The following GRM3 variants were observed in gnomAD, a reference collection of about 807,000 sequenced individuals.
GRM3 encodes the protein glutamate metabotropic receptor 3.
GRM3 carries 26 observed loss-of-function variants against 70.5 expected under a neutral mutation model. The observed-to-expected ratio is 0.37, with a 90% CI of 0.27 to 0.51. GRM3 has a LOEUF of 0.51. GRM3 is among the 20% of genes least tolerant of loss of function. GRM3 has a pLI of 0.93. For missense variants in GRM3, 859 were observed against 1,123.8 expected (o/e 0.76, Z 3.37); for synonymous variants, 443 against 434.9 (o/e 1.02, Z -0.23).
At chr7:86,755,223 A>G (rs1796316795) in intron 1 of GRM3, among the ~76,000 whole-genome samples, 1 of 152,180 alleles carries the variant, frequency 6.6e-6, no homozygotes. Flanking sequence ...AATGGATGCT[A>G]ATCTGTCAGA....
intron 5 of GRM3, among the ~76,000 whole-genome samples, chr7:86,862,488 A>G (rs1798979058): frequency 6.6e-6 from 1 of 152,174 alleles, no homozygotes; most frequent in African/African-American, 2.4e-5. Flanking sequence ...TCTTCATTGT[A>G]GCAGTTTCAG....
At chr7:86,832,477 C>A (rs758442576) in intron 3 of GRM3, among the ~76,000 whole-genome samples, 1 of 152,034 alleles carries the variant, frequency 6.6e-6, no homozygotes, top group Non-Finnish European at 1.5e-5. Flanking sequence ...TCTTGAACTC[C>A]TGACCTCAGA....
chr7:86,838,084 G>C (rs2116732634), intron 3 of GRM3, among the ~76,000 whole-genome samples: 1 of 152,170 alleles, frequency 6.6e-6, no homozygotes, highest in African/African-American at 2.4e-5. Context: ...GGTTGAGGGT[G>C]GCCCACTTGG....
At chr7:86,782,074 T>G (rs978567520) in intron 2 of GRM3, among the ~76,000 whole-genome samples, 2 of 152,188 alleles carry the variant, frequency 1.3e-5, no homozygotes, top group African/African-American at 2.4e-5. Context: ...TCTAAGTGTT[T>G]CCATGCTCTC....
At chr7:86,728,328 G>A (rs1795640439) in intron 1 of GRM3, among the ~76,000 whole-genome samples, 1 of 152,068 alleles carries the variant, frequency 6.6e-6, no homozygotes, top group Non-Finnish European at 1.5e-5. Flanking sequence ...GTAGCAGAGG[G>A]GCCTATCCCA....
intron 1 of GRM3, among the ~76,000 whole-genome samples, chr7:86,755,332 G>T (rs1177023715): frequency 1.3e-5 from 2 of 152,128 alleles, no homozygotes; most frequent in South Asian, 2.1e-4. Context: ...GTCAATTCAG[G>T]TATGACATTC....
chr7:86,646,014 GGTGGGAGGGA>G (rs1562811320), intron 1 of GRM3, among the ~76,000 whole-genome samples: 73 of 66,002 alleles, frequency 1.1e-3, no homozygotes, highest in Non-Finnish European at 1.6e-3. Context: ...GGTGGGGGGG[GGTGGGAGGGA>G]GTTTAGGGGG....
At chr7:86,834,181 T>C (rs1205089825) in intron 3 of GRM3, among the ~76,000 whole-genome samples, 1 of 152,200 alleles carries the variant, frequency 6.6e-6, no homozygotes, top group East Asian at 1.9e-4. Context: ...AACACACTTA[T>C]AAGAAATCAG....
chr7:86,729,366 G>A (rs541958630), intron 1 of GRM3, among the ~76,000 whole-genome samples: 4 of 152,256 alleles, frequency 2.6e-5, no homozygotes, highest in South Asian at 4.1e-4. Context: ...GGTGTATAAC[G>A]TGTTCCATTT....
Position 86,754,658 on chromosome 7 carries a change from A to G in GRM3, c.-140-10348A>G, listed in dbSNP as rs549636244. 5.2e-4 allele frequency among the ~76,000 whole-genome samples: 79 copies of G among 152,304 alleles called. No homozygotes were observed. In the South Asian group the frequency reaches 0.012, roughly 23 times the overall value. On this transcript the variant is annotated intron_variant, in intron 1 of 5. Coordinates refer to ENST00000361669, the MANE Select transcript of GRM3 (RefSeq NM_000840.3). ...AGTTTTAGCACATAGTAGGTGCCCA[A>G]TAAATTTTATTATCTTTAATGTAAA...
chr7:86,715,766 A>C (rs1562835879), intron 1 of GRM3, among the ~76,000 whole-genome samples: 1 of 152,034 alleles, frequency 6.6e-6, no homozygotes, highest in African/African-American at 2.4e-5. Context: ...TAATTCCAAA[A>C]TGCTGGCTTA....
rs1331253263 is a variant in GRM3, at chr7:86,850,425, G to T, written c.2447G>T (p.Gly816Val). 1 of 1,613,058 alleles carries T rather than the reference G, an allele frequency of 6.2e-7. No homozygotes were observed. The highest frequency in any genetic ancestry group is 1.7e-5 in the Admixed American group (1 of 59,920). ...SVSLSGFVVLGCLFAPKVHII... is the reference protein window; with the variant it reads ...SVSLSGFVVLVCLFAPKVHII... ...AGCCTGAGTGGCTTTGTGGTCTTGG[G>T]CTGTTTGTTTGCACCCAAGGTTCAC... is the stretch of plus-strand genomic sequence containing the variant. Residue 816 changes from glycine to valine, a missense_variant, in exon 5 of 6, where the codon GGC (glycine) becomes GTC (valine). Transcript: ENST00000361669.
chr7:86,685,610 A>C (rs763700460), intron 1 of GRM3, among the ~76,000 whole-genome samples: 3 of 152,140 alleles, frequency 2.0e-5, no homozygotes, highest in Non-Finnish European at 4.4e-5. Context: ...CCTTATCTAT[A>C]AAGGTATAAA....
At chr7:86,822,368 A>G (rs548872731) in intron 3 of GRM3, among the ~76,000 whole-genome samples, 1 of 152,300 alleles carries the variant, frequency 6.6e-6, no homozygotes, top group African/African-American at 2.4e-5. Flanking sequence ...GAAAGATAGT[A>G]AATGCCAGAG....
intron 2 of GRM3, among the ~76,000 whole-genome samples, chr7:86,773,895 C>T (rs6961677): frequency 0.41 from 62,771 of 151,812 alleles, 15,918 homozygotes; most frequent in African/African-American, 0.73. Context: ...ACTACTCTAC[C>T]GAAAGATAAG....
intron 1 of GRM3, among the ~76,000 whole-genome samples, chr7:86,728,554 T>A (rs1273107078): frequency 6.6e-6 from 1 of 152,194 alleles, no homozygotes; most frequent in Non-Finnish European, 1.5e-5. Context: ...AGGTATCACA[T>A]TTGAAATCTT....
At chr7:86,817,837 A>G (rs1798045692) in intron 3 of GRM3, among the ~76,000 whole-genome samples, 2 of 152,052 alleles carry the variant, frequency 1.3e-5, no homozygotes, top group Non-Finnish European at 1.5e-5. Context: ...GAAATTATCA[A>G]TACAACACCA....
intron 3 of GRM3, among the ~76,000 whole-genome samples, chr7:86,800,327 C>T (rs973563604): frequency 4.6e-5 from 7 of 151,982 alleles, no homozygotes; most frequent in Non-Finnish European, 8.8e-5. Context: ...TTTAAAAATA[C>T]CCTTTACAAT....
At chr7:86,659,689 T>C (rs375703149) in intron 1 of GRM3, among the ~76,000 whole-genome samples, 2 of 152,098 alleles carry the variant, frequency 1.3e-5, no homozygotes, top group East Asian at 3.8e-4. Context: ...AAATATTGTA[T>C]AGGTTTTTGA....
Sources: allele counts gnomAD v4.1 joint callset (sites outside exome capture counted in the v4.1 genomes callset), GRCh38; gene constraint gnomAD v4.1.1; transcripts MANE v1.5; gene names NCBI Gene and HGNC (gene_info 2026-07-23, HGNC 2026-07-21).